USP45: variants seen among roughly 807,000 people sequenced by gnomAD.
The protein encoded by USP45 is ubiquitin specific peptidase 45, also known as ubiquitin carboxyl-terminal hydrolase 45.
A neutral mutation model predicts 95.8 loss-of-function variants in USP45; 89 were observed. The observed-to-expected ratio is 0.93, with a 90% confidence interval of 0.78 to 1.11. The LOEUF is 1.11. Ranked by LOEUF, USP45 falls within the 50% of genes least tolerant of loss-of-function variation. The probability of loss-of-function intolerance (pLI) is 0.00; values close to 1 mark genes in which losing one functional copy is unlikely to be tolerated. For missense variants in USP45, 898 were observed against 942.5 expected, an observed-to-expected ratio of 0.95 and a Z score of 0.62; for synonymous variants, 281 against 316.2, an observed-to-expected ratio of 0.89 and a Z score of 1.18.
At chr6:99,475,639 G>T (rs1434694293) in intron 9 of USP45, among the ~76,000 whole-genome samples, 1 of 151,954 alleles carries the variant, frequency 6.6e-6, no homozygotes, top group Non-Finnish European at 1.5e-5. Flanking sequence ...ACTTAAGCTA[G>T]TTTAAATTAT....
chr6:99,435,941 C>G, intron 17 of USP45, 95 bp from the exon 18 acceptor site: 1 of 1,269,952 alleles, frequency 7.9e-7, no homozygotes. Flanking sequence ...CAAACTCTAT[C>G]TAATGCCAAA....
chr6:99,447,606 T>C (rs967857713), intron 13 of USP45, among the ~76,000 whole-genome samples: 1 of 152,206 alleles, frequency 6.6e-6, no homozygotes, highest in Admixed American at 6.5e-5. Context: ...CTCTGTAGAC[T>C]CCACCTCTGG....
intron 5 of USP45, among the ~76,000 whole-genome samples, chr6:99,492,289 C>T (rs1795344421): frequency 6.6e-6 from 1 of 152,212 alleles, no homozygotes; most frequent in Admixed American, 6.5e-5. Context: ...CCACCTGGCT[C>T]TCCATGCATA....
Position 99,435,066 on chromosome 6 carries a change from A to G in USP45, c.*650T>C, listed in dbSNP as rs1346808538. 1 of 152,756 alleles carries G rather than the reference A, an allele frequency of 6.5e-6. No homozygotes were observed. The highest frequency in any genetic ancestry group is 1.9e-4 in the East Asian group (1 of 5,190). The allele number at this position is 152,756 out of a possible 1,614,324, so 9.5% of individuals were successfully genotyped here. Reference sequence around the variant, plus strand: ...TGGTTGAATTGTATAAAATATGACCAGGGAACTACACCGTATTAGGTGTTA... The same window carrying G: ...TGGTTGAATTGTATAAAATATGACCGGGGAACTACACCGTATTAGGTGTTA... On this transcript the variant is annotated 3_prime_UTR_variant, in exon 18 of 18. Coordinates refer to ENST00000500704, the MANE Select transcript of USP45 (RefSeq NM_001346022.3).
chr6:99,481,782 G>A (rs1055784785), intron 8 of USP45, among the ~76,000 whole-genome samples: 5 of 152,084 alleles, frequency 3.3e-5, no homozygotes, highest in African/African-American at 1.2e-4. Context: ...TTCTGTTCCT[G>A]CATTAATTCA....
At chr6:99,437,849 G>T (rs1412174844) in intron 16 of USP45, among the ~76,000 whole-genome samples, 3 of 152,114 alleles carry the variant, frequency 2.0e-5, no homozygotes, top group African/African-American at 4.8e-5. Flanking sequence ...GTAGAAACAG[G>T]GTTTTACCTT....
chr6:99,449,582 T>C (rs968185203), intron 13 of USP45, among the ~76,000 whole-genome samples: 5 of 152,224 alleles, frequency 3.3e-5, no homozygotes, highest in African/African-American at 1.2e-4. Context: ...ACAATAATAA[T>C]GGGAGACTTT....
At chr6:99,517,331 T>C (rs1221788748), upstream of USP45, among the ~76,000 whole-genome samples, 3 of 152,242 alleles carry the variant, frequency 2.0e-5, no homozygotes, top group African/African-American at 4.8e-5. Flanking sequence ...TAATGCTAAA[T>C]ATCTTAAATT....
In USP45 at chr6:99,478,910, C is replaced by T. The variant is rs191168390; in HGVS notation, c.846-2680G>A. On this transcript the variant is annotated intron_variant, in intron 8 of 17. Coordinates refer to ENST00000500704, the MANE Select transcript of USP45 (RefSeq NM_001346022.3). Reference sequence around the variant, plus strand: ...ATGTACACACAATATGAATAAACCACAAATTATGCCAAGTGAAGGAAGTCA... The same window carrying T: ...ATGTACACACAATATGAATAAACCATAAATTATGCCAAGTGAAGGAAGTCA... 2.6e-5 allele frequency among the ~76,000 whole-genome samples: 4 copies of T among 151,430 alleles called. No homozygotes were observed. In the East Asian group the frequency reaches 5.9e-4, roughly 22 times the overall value.
rs761703420 is a variant in USP45 at position 99,437,412 on chromosome 6, GAAAA to G, written c.2161-17_2161-14del. 1.3e-6 allele frequency: 2 copies of G among 1,566,218 alleles called. No individual in the cohort carries two copies. Among genetic ancestry groups the G allele is most frequent in the South Asian group, 2.4e-5 (2 of 83,560 alleles). ...CCACACTTGCATTCTTTTAAACAAAGAAAAAAACCCAAATTAGTAATATTTGTTA... is the reference window on the plus strand; with the variant it reads ...CCACACTTGCATTCTTTTAAACAAAGAAACCCAAATTAGTAATATTTGTTA... On this transcript the variant is annotated splice_polypyrimidine_tract_variant and intron_variant, in intron 16 of 17. Coordinates refer to ENST00000500704, the MANE Select transcript of USP45 (RefSeq NM_001346022.3).
At chr6:99,445,725 T>A (rs1782412244) in intron 14 of USP45, 72 bp downstream of exon 14, 3 of 1,157,618 alleles carry the variant, frequency 2.6e-6, no homozygotes, top group Non-Finnish European at 3.5e-6. Context: ...CTCAGTAAAA[T>A]TCTCAGTGAA....
At chr6:99,477,478 A>G (rs1269941846) in intron 8 of USP45, among the ~76,000 whole-genome samples, 1 of 151,930 alleles carries the variant, frequency 6.6e-6, no homozygotes, top group Non-Finnish European at 1.5e-5. Flanking sequence ...GTGCCCGGCT[A>G]ATTTTTGTAT....
intron 5 of USP45, among the ~76,000 whole-genome samples, chr6:99,497,782 ACCT>A (rs1227857967): frequency 1.3e-5 from 2 of 151,974 alleles, no homozygotes; most frequent in Non-Finnish European, 2.9e-5. Flanking sequence ...GTTCTTACTT[ACCT>A]CAAGTCTCAC....
intron 9 of USP45, 109 bp downstream of exon 9, chr6:99,476,034 C>A: frequency 3.2e-6 from 3 of 939,322 alleles, no homozygotes; most frequent in Non-Finnish European, 4.8e-6. Flanking sequence ...CTAGGCTGGT[C>A]TGAAACTCCT....
chr6:99,443,428 T>A (rs1582969068), intron 15 of USP45, 137 bp downstream of exon 15: 5 of 521,100 alleles, frequency 9.6e-6, no homozygotes. Context: ...TATGGCTAGA[T>A]GAGCAGTAAA....
At chr6:99,457,283 C>T (rs977390018) in intron 13 of USP45, among the ~76,000 whole-genome samples, 2 of 152,164 alleles carry the variant, frequency 1.3e-5, no homozygotes, top group African/African-American at 2.4e-5. Context: ...CCTATTTGCA[C>T]ACTCCCTCCC....
intron 13 of USP45, chr6:99,461,507 T>C (rs1174891568): frequency 7.1e-6 from 7 of 985,264 alleles, no homozygotes; most frequent in Non-Finnish European, 8.4e-6. Context: ...GTGCTTTATT[T>C]AACTGGATTA....
At chr6:99,465,636 A>C (rs1189125221) in intron 11 of USP45, among the ~76,000 whole-genome samples, 2 of 152,204 alleles carry the variant, frequency 1.3e-5, no homozygotes, top group Non-Finnish European at 2.9e-5. Flanking sequence ...ATGGTCATGC[A>C]TTCTGTGTTT....
Position 99,443,680 on chromosome 6 carries a change from AATTT to A in USP45, c.1976-22_1976-19del. On this transcript the variant is annotated intron_variant, in intron 14 of 17. Transcript: ENST00000500704. ...TTTCTTTTCTACATAAAATACAATA[AATTT>A]ATTTATAAAATTCCATTTTATACAT... is the stretch of plus-strand genomic sequence containing the variant. The A allele has an allele frequency of 4.1e-6, 6 of 1,455,008 alleles. No homozygotes were observed. Among genetic ancestry groups the A allele is most frequent in the Non-Finnish European group, 5.6e-6 (6 of 1,080,152 alleles). 90.1% of individuals were successfully genotyped at this position (1,455,008 alleles called of 1,614,324 possible). A position where few individuals can be genotyped will look rare whatever the true frequency, so the allele number is the denominator to read the frequency against.
Sources: allele counts gnomAD v4.1 joint callset (sites outside exome capture counted in the v4.1 genomes callset), GRCh38; gene constraint gnomAD v4.1.1; transcripts MANE v1.5; gene names NCBI Gene and HGNC (gene_info 2026-07-23, HGNC 2026-07-21).